SMAP1: variants seen among roughly 807,000 people sequenced by gnomAD.
SMAP1 encodes small ArfGAP 1, also known as stromal membrane-associated protein 1.
SMAP1 carries 24 observed loss-of-function variants against 58.5 expected under a neutral mutation model. The ratio of observed to expected loss-of-function variants is 0.41; its 90% CI spans 0.30 to 0.58. The LOEUF is 0.58. Ranked by LOEUF, SMAP1 falls within the 20% of genes least tolerant of loss-of-function variation. The pLI, the probability that SMAP1 is intolerant of heterozygous loss-of-function variation, is 0.29. For missense variants in SMAP1, 563 were observed against 566.3 expected, an observed-to-expected ratio of 0.99 and a Z score of 0.06; for synonymous variants, 216 against 196.6, an observed-to-expected ratio of 1.10 and a Z score of -0.82.
At chr6:70,685,131 GT>G (rs901526534) in intron 1 of SMAP1, among the ~76,000 whole-genome samples, 12 of 147,504 alleles carry the variant, frequency 8.1e-5, no homozygotes, top group South Asian at 2.1e-4. Flanking sequence ...CCAGGTCTTA[GT>G]TTTTTTTTTT....
At chr6:70,853,892 T>C (rs1451508289) in intron 8 of SMAP1, among the ~76,000 whole-genome samples, 1 of 152,246 alleles carries the variant, frequency 6.6e-6, no homozygotes, top group Non-Finnish European at 1.5e-5. Context: ...CATTTATTTT[T>C]AGTCTAGCAT....
intron 1 of SMAP1, among the ~76,000 whole-genome samples, chr6:70,688,125 G>A (rs1009704733): frequency 2.6e-5 from 4 of 152,100 alleles, no homozygotes; most frequent in Admixed American, 6.5e-5. Context: ...AAGTTTTTGC[G>A]TCTGTTAATA....
intron 1 of SMAP1, among the ~76,000 whole-genome samples, chr6:70,705,136 G>A (rs551689997): frequency 6.6e-6 from 1 of 152,178 alleles, no homozygotes; most frequent in East Asian, 1.9e-4. Flanking sequence ...TTAAGCTTCT[G>A]AGTCTTTTCC....
intron 5 of SMAP1, among the ~76,000 whole-genome samples, chr6:70,797,033 C>T (rs1768635109): frequency 6.6e-6 from 1 of 152,134 alleles, no homozygotes; most frequent in Non-Finnish European, 1.5e-5. Context: ...ACTATTATAA[C>T]ACTTACTGCC....
intron 6 of SMAP1, among the ~76,000 whole-genome samples, chr6:70,811,939 G>A (rs1769407106): frequency 6.6e-6 from 1 of 152,162 alleles, no homozygotes; most frequent in African/African-American, 2.4e-5. Context: ...AGGTGAGATG[G>A]CTACTGAGTG....
intron 1 of SMAP1, among the ~76,000 whole-genome samples, chr6:70,724,193 A>G (rs1414817057): frequency 6.8e-6 from 1 of 147,670 alleles, no homozygotes; most frequent in African/African-American, 2.5e-5. Flanking sequence ...TTTTTAAGAT[A>G]GGAAATGTTC....
intron 1 of SMAP1, among the ~76,000 whole-genome samples, chr6:70,678,850 G>A (rs1766585894): frequency 2.0e-5 from 3 of 152,064 alleles, no homozygotes; most frequent in Non-Finnish European, 2.9e-5. Context: ...TCTCTGGCAT[G>A]TTTATGACCT....
At chr6:70,682,687 G>A (rs1234136024) in intron 1 of SMAP1, among the ~76,000 whole-genome samples, 5 of 152,006 alleles carry the variant, frequency 3.3e-5, no homozygotes, top group Admixed American at 2.0e-4. Flanking sequence ...ATTAAAACCC[G>A]TTTGATCTGT....
chr6:70,849,061 G>A (rs1771090592), intron 7 of SMAP1, among the ~76,000 whole-genome samples: 1 of 152,312 alleles, frequency 6.6e-6, no homozygotes, highest in East Asian at 1.9e-4. Flanking sequence ...CAAAAGAGGG[G>A]CAGGTATGTT....
At chr6:70,759,740 G>A in intron 3 of SMAP1, 1 of 271,262 alleles carries the variant, frequency 3.7e-6, no homozygotes, top group Admixed American at 4.1e-5. Context: ...AAAATATTTG[G>A]TCCTTTTCTA....
At chr6:70,756,846 C>T (rs546787022) in intron 3 of SMAP1, among the ~76,000 whole-genome samples, 1 of 152,136 alleles carries the variant, frequency 6.6e-6, no homozygotes, top group South Asian at 2.1e-4. Flanking sequence ...GAACTACAAA[C>T]CACTGCTCAA....
In SMAP1 at chr6:70,725,093, G is replaced by GTTTT. The variant is rs745587315; in HGVS notation, c.119-7247_119-7244dup. Reference sequence around the variant, plus strand: ...GACTCCATATCCTAAATTAACCAGTGTTTTTTTTTTTTTTTTTTTTTTTTT... The same window carrying GTTTT: ...GACTCCATATCCTAAATTAACCAGTGTTTTTTTTTTTTTTTTTTTTTTTTTTTTT... On this transcript the variant is annotated intron_variant, in intron 1 of 10. Coordinates refer to ENST00000370455, the MANE Select transcript of SMAP1 (RefSeq NM_001044305.3). 1.3e-3 allele frequency among the ~76,000 whole-genome samples: 60 copies of GTTTT among 47,822 alleles called. 22 individuals carry two copies. The highest frequency in any genetic ancestry group is 2.1e-3 in the Non-Finnish European group (52 of 24,998). The allele number at this position is 47,822 out of a possible 152,430, so 31.4% of individuals were successfully genotyped here.
intron 2 of SMAP1, among the ~76,000 whole-genome samples, chr6:70,733,869 G>A (rs1019529875): frequency 6.6e-6 from 1 of 152,102 alleles, no homozygotes; most frequent in African/African-American, 2.4e-5. Context: ...TCTCAATTAG[G>A]TTGTTGAGAG....
At chr6:70,732,825 G>A (rs1765481169) in intron 2 of SMAP1, among the ~76,000 whole-genome samples, 1 of 151,648 alleles carries the variant, frequency 6.6e-6, no homozygotes. Context: ...TTCAGTGGAG[G>A]GAGCCTGGGT....
intron 1 of SMAP1, among the ~76,000 whole-genome samples, chr6:70,732,084 C>G (rs1466912905): frequency 2.0e-5 from 3 of 151,728 alleles, no homozygotes; most frequent in African/African-American, 7.3e-5. Flanking sequence ...ATTACTATTC[C>G]TGATTCAAAT....
intron 1 of SMAP1, among the ~76,000 whole-genome samples, chr6:70,681,746 G>A (rs1766718788): frequency 6.6e-6 from 1 of 152,030 alleles, no homozygotes; most frequent in South Asian, 2.1e-4. Context: ...GGAAAACAGT[G>A]GTTTAATGTT....
intron 7 of SMAP1, among the ~76,000 whole-genome samples, chr6:70,852,160 G>A (rs1771209951): frequency 1.3e-5 from 2 of 152,018 alleles, no homozygotes; most frequent in South Asian, 4.1e-4. Flanking sequence ...ACCTCATAAG[G>A]TTATGAGGAT....
At chr6:70,838,094 C>T (rs1770668448) in intron 7 of SMAP1, among the ~76,000 whole-genome samples, 1 of 151,896 alleles carries the variant, frequency 6.6e-6, no homozygotes, top group East Asian at 1.9e-4. Flanking sequence ...TTGTAGTCCT[C>T]ATAATTTCTT....
At chr6:70,797,190 T>C (rs1582207637) in intron 5 of SMAP1, among the ~76,000 whole-genome samples, 1 of 152,208 alleles carries the variant, frequency 6.6e-6, no homozygotes, top group Non-Finnish European at 1.5e-5. Flanking sequence ...AACTAAGATG[T>C]AAATTTTTCC....
Sources: allele counts gnomAD v4.1 joint callset (sites outside exome capture counted in the v4.1 genomes callset), GRCh38; gene constraint gnomAD v4.1.1; transcripts MANE v1.5; gene names NCBI Gene and HGNC (gene_info 2026-07-23, HGNC 2026-07-21).